Variants in LRMDA observed in about 807,000 individuals in gnomAD.
LRMDA encodes the protein leucine-rich melanocyte differentiation-associated protein.
A neutral mutation model predicts 29.8 loss-of-function variants in LRMDA; 18 were observed. The observed-to-expected ratio is 0.60, with a 90% CI of 0.42 to 0.90. The LOEUF (loss-of-function observed/expected upper bound fraction) is 0.90, where lower values mean the gene tolerates loss of function less well. Ranked by LOEUF, LRMDA falls within the 40% of genes least tolerant of loss-of-function variation. The pLI is 0.00. For missense variants in LRMDA, 273 were observed against 273.9 expected (o/e 1.00, Z 0.02); for synonymous variants, 125 against 109.4 (o/e 1.14, Z -0.89).
intron 3 of LRMDA, among the ~76,000 whole-genome samples, chr10:76,039,224 G>A (rs535811485): frequency 3.3e-4 from 51 of 152,296 alleles, no homozygotes; most frequent in African/African-American, 1.2e-3. Flanking sequence ...ATTCATTTCT[G>A]TAACAATCTA....
intron 6 of LRMDA, among the ~76,000 whole-genome samples, chr10:76,468,534 G>A (rs1249701807): frequency 2.6e-5 from 4 of 152,124 alleles, no homozygotes; most frequent in African/African-American, 9.7e-5. Context: ...TGTAAACCTT[G>A]CATAGAACAG....
intron 2 of LRMDA, among the ~76,000 whole-genome samples, chr10:75,660,820 C>G (rs1310943112): frequency 1.3e-5 from 2 of 151,796 alleles, no homozygotes; most frequent in Non-Finnish European, 2.9e-5. Context: ...GAAAAAAACC[C>G]TTTTCCATGC....
intron 5 of LRMDA, among the ~76,000 whole-genome samples, chr10:76,065,788 C>T (rs1848774993): frequency 6.6e-6 from 1 of 152,258 alleles, no homozygotes; most frequent in Non-Finnish European, 1.5e-5. Flanking sequence ...TTCCCCATTC[C>T]ATTGACTTTG....
intron 5 of LRMDA, among the ~76,000 whole-genome samples, chr10:76,273,941 T>G (rs748875507): frequency 6.6e-6 from 1 of 152,226 alleles, no homozygotes; most frequent in Admixed American, 6.5e-5. Flanking sequence ...TTATTTTCTT[T>G]TATGGATTTT....
rs887657286 is a variant in LRMDA at position 76,519,193 on chromosome 10, T to A, written c.602-38016T>A. ...TCTCATAACCCAGCCTCAAAAAAAATTTTTTTTTGAAATTGAAACACATGG... is the reference window on the plus strand; with the variant it reads ...TCTCATAACCCAGCCTCAAAAAAAAATTTTTTTTGAAATTGAAACACATGG... On this transcript the variant is annotated intron_variant, in intron 6 of 6. Coordinates refer to ENST00000611255, the MANE Select transcript of LRMDA (RefSeq NM_001305581.2). 9.2e-5 allele frequency among the ~76,000 whole-genome samples: 14 copies of A among 151,392 alleles called. No homozygotes were observed. In the South Asian group the frequency reaches 1.5e-3, roughly 16 times the overall value.
intron 5 of LRMDA, among the ~76,000 whole-genome samples, chr10:76,261,179 C>T (rs2132309030): frequency 6.6e-6 from 1 of 150,962 alleles, no homozygotes; most frequent in East Asian, 2.0e-4. Flanking sequence ...ATTCTCCTGC[C>T]TCAGCCTCCC....
At chr10:76,051,811 CTT>C (rs1336856642) in intron 4 of LRMDA, among the ~76,000 whole-genome samples, 1 of 152,220 alleles carries the variant, frequency 6.6e-6, no homozygotes, top group East Asian at 1.9e-4. Context: ...AGTCTGGCCT[CTT>C]TCACTATGCT....
chr10:75,626,484 G>T (rs1841251520), intron 2 of LRMDA, among the ~76,000 whole-genome samples: 1 of 152,194 alleles, frequency 6.6e-6, no homozygotes, highest in South Asian at 2.1e-4. Flanking sequence ...GAGAAGAACT[G>T]CTCTTCTTTG....
At chr10:75,985,793 C>G (rs545599512) in intron 2 of LRMDA, among the ~76,000 whole-genome samples, 1 of 152,240 alleles carries the variant, frequency 6.6e-6, no homozygotes, top group African/African-American at 2.4e-5. Flanking sequence ...GATGTGAATG[C>G]ACACTGGGCA....
At chr10:76,286,738 A>G (rs183896189) in intron 5 of LRMDA, among the ~76,000 whole-genome samples, 53 of 152,334 alleles carry the variant, frequency 3.5e-4, no homozygotes, top group Non-Finnish European at 2.9e-5. Context: ...ATCAAGCACA[A>G]TGAATTGAGT....
At chr10:76,086,405 T>C (rs1424384654) in intron 5 of LRMDA, among the ~76,000 whole-genome samples, 1 of 75,388 alleles carries the variant, frequency 1.3e-5, no homozygotes, top group African/African-American at 5.5e-5. Flanking sequence ...CTGGGAAAAT[T>C]CACTGTTTAT....
At chr10:76,386,003 G>A (rs894752090) in intron 6 of LRMDA, among the ~76,000 whole-genome samples, 45 of 152,244 alleles carry the variant, frequency 3.0e-4, no homozygotes, top group African/African-American at 1.0e-3. Flanking sequence ...TAACTTAAAA[G>A]AGGACAAAGA....
chr10:76,442,009 A>C (rs552032535), intron 6 of LRMDA, among the ~76,000 whole-genome samples: 1 of 152,268 alleles, frequency 6.6e-6, no homozygotes, highest in African/African-American at 2.4e-5. Flanking sequence ...CCACATTTAA[A>C]TGGACAAAGT....
At chr10:75,816,366 A>G (rs1413400465) in intron 2 of LRMDA, among the ~76,000 whole-genome samples, 1 of 152,124 alleles carries the variant, frequency 6.6e-6, no homozygotes, top group East Asian at 1.9e-4. Flanking sequence ...CATTAAGACT[A>G]GTGACTGCCA....
At chr10:75,752,748 T>C (rs527501926) in intron 2 of LRMDA, among the ~76,000 whole-genome samples, 1 of 152,326 alleles carries the variant, frequency 6.6e-6, no homozygotes, top group South Asian at 2.1e-4. Context: ...GTTGACACTC[T>C]AGGATCACAT....
At chr10:75,845,548 C>G (rs181289057) in intron 2 of LRMDA, among the ~76,000 whole-genome samples, 2 of 152,186 alleles carry the variant, frequency 1.3e-5, no homozygotes, top group African/African-American at 4.8e-5. Context: ...TTAGTCATCA[C>G]GACGATGAGG....
At chr10:76,278,410 C>T (rs894174970) in intron 5 of LRMDA, among the ~76,000 whole-genome samples, 11 of 152,240 alleles carry the variant, frequency 7.2e-5, no homozygotes, top group African/African-American at 2.2e-4. Flanking sequence ...AAGTGCTCAA[C>T]GCATGTAAAA....
At chr10:75,987,689 G>C (rs1056747378) in intron 2 of LRMDA, among the ~76,000 whole-genome samples, 1 of 152,190 alleles carries the variant, frequency 6.6e-6, no homozygotes, top group South Asian at 2.1e-4. Context: ...GGGCAAATCA[G>C]TGAAAATCTG....
At chr10:76,002,211 C>T (rs887827213) in intron 2 of LRMDA, among the ~76,000 whole-genome samples, 20 of 152,170 alleles carry the variant, frequency 1.3e-4, no homozygotes, top group Non-Finnish European at 2.6e-4. Flanking sequence ...CTGAGGGCAC[C>T]AGTCCCATGA....
Sources: allele counts gnomAD v4.1 joint callset (sites outside exome capture counted in the v4.1 genomes callset), GRCh38; gene constraint gnomAD v4.1.1; transcripts MANE v1.5; gene names NCBI Gene and HGNC (gene_info 2026-07-23, HGNC 2026-07-21).